Variants in KIAA1549 observed in about 807,000 individuals in gnomAD.
KIAA1549 encodes the protein UPF0606 protein KIAA1549.
KIAA1549 carries 70 observed loss-of-function variants against 156.4 expected under a neutral mutation model. The ratio of observed to expected loss-of-function variants is 0.45; its 90% CI spans 0.37 to 0.55. KIAA1549 has a LOEUF of 0.55. KIAA1549 is among the 20% of genes least tolerant of loss of function. The probability of loss-of-function intolerance (pLI) is 0.00; values close to 1 mark genes in which losing one functional copy is unlikely to be tolerated. For synonymous variants in KIAA1549, 1,103 were observed against 1,066.4 expected, an observed-to-expected ratio of 1.03 and a Z score of -0.67; for missense variants, 2,428 against 2,540.9, an observed-to-expected ratio of 0.96 and a Z score of 0.96.
chr7:138,908,363 C>T (rs1254595159), intron 5 of KIAA1549, among the ~76,000 whole-genome samples: 1 of 152,084 alleles, frequency 6.6e-6, no homozygotes, highest in Non-Finnish European at 1.5e-5. Flanking sequence ...GAACAATGAA[C>T]AAAAAGCTTA....
intron 1 of KIAA1549, among the ~76,000 whole-genome samples, chr7:138,975,518 TAGAGGGTTAATG>T (rs1358887315): frequency 6.6e-6 from 1 of 152,114 alleles, no homozygotes; most frequent in Non-Finnish European, 1.5e-5. Flanking sequence ...TACAAGGAGC[TAGAGGGTTAATG>T]AGATTAGCGC....
intron 1 of KIAA1549, among the ~76,000 whole-genome samples, chr7:138,954,320 T>C (rs1563092137): frequency 1.3e-5 from 2 of 152,064 alleles, no homozygotes; most frequent in Non-Finnish European, 1.5e-5. Context: ...AGTAAGATAC[T>C]AAAGAAAGAA....
chr7:138,967,774 T>C (rs981777720), intron 1 of KIAA1549, among the ~76,000 whole-genome samples: 27 of 152,156 alleles, frequency 1.8e-4, no homozygotes, highest in Non-Finnish European at 4.0e-4. Flanking sequence ...GGCCCCAAGA[T>C]CTGTGCTGGT....
intron 19 of KIAA1549, among the ~76,000 whole-genome samples, chr7:138,839,447 T>C (rs1454177008): frequency 6.6e-6 from 1 of 152,188 alleles, no homozygotes; most frequent in Admixed American, 6.5e-5. Flanking sequence ...AACTGTGTGC[T>C]TATTACAAAA....
intron 8 of KIAA1549, 107 bp from the exon 9 acceptor site, chr7:138,899,239 C>G: frequency 9.9e-7 from 1 of 1,008,378 alleles, no homozygotes; most frequent in South Asian, 1.5e-5. Flanking sequence ...TTCCAATCCT[C>G]ATAATAAGCT....
chr7:138,940,687 A>C (rs1813158492), intron 1 of KIAA1549, among the ~76,000 whole-genome samples: 1 of 152,144 alleles, frequency 6.6e-6, no homozygotes, highest in South Asian at 2.1e-4. Flanking sequence ...TTGTGTCCTG[A>C]CTTTTTAATG....
intron 12 of KIAA1549, among the ~76,000 whole-genome samples, chr7:138,873,831 A>G (rs1811004236): frequency 6.6e-6 from 1 of 151,654 alleles, no homozygotes; most frequent in Non-Finnish European, 1.5e-5. Context: ...GGAGGAGAGG[A>G]AATAAGAGGT....
chr7:138,960,300 T>TTTAC (rs1813801812), intron 1 of KIAA1549, among the ~76,000 whole-genome samples: 1 of 85,256 alleles, frequency 1.2e-5, no homozygotes, highest in Non-Finnish European at 2.4e-5. Flanking sequence ...TATTGATTTA[T>TTTAC]TGATTTATTT....
At chr7:138,931,887 C>T (rs1450564728) in intron 1 of KIAA1549, among the ~76,000 whole-genome samples, 1 of 151,902 alleles carries the variant, frequency 6.6e-6, no homozygotes, top group African/African-American at 2.4e-5. Flanking sequence ...CACTAAAAGG[C>T]ATTATGTTAC....
At position 138,918,046 on chromosome 7, in the gene KIAA1549, C is replaced by T. The variant is rs373550190; in HGVS notation, c.1580G>A (p.Arg527His). 51 of 1,611,322 alleles carry T rather than the reference C, an allele frequency of 3.2e-5. No individual in the cohort carries two copies. Among genetic ancestry groups the T allele is most frequent in the South Asian group, 2.5e-4 (23 of 90,486 alleles). The change falls in exon 2 of 20, where the codon CGC becomes CAC. Residue 527 changes from arginine (R) to histidine (H), a missense_variant. Physicochemically the swap from Arg to His is conservative, Grantham distance 29. This residue lies in a region of KIAA1549 where 893 missense variants were observed against 847.9 expected (regional missense o/e 1.05). Coordinates refer to ENST00000422774, the MANE Select transcript of KIAA1549 (RefSeq NM_001164665.2). This position sits in a 1 kb window ranked among gnomAD's most constrained non-coding sequence, Gnocchi z 4.2. ...ATCAAGTGACGCCGGCACAGAGAGG[C>T]GGCCGTGGGCAGGGGGAACCTGTGT... ...TTTQVPPAHG[R>H]LSVPASLDPT...
At chr7:138,967,053 T>A (rs1041632417) in intron 1 of KIAA1549, among the ~76,000 whole-genome samples, 1 of 152,188 alleles carries the variant, frequency 6.6e-6, no homozygotes, top group Non-Finnish European at 1.5e-5. Flanking sequence ...ATCTGCTGCA[T>A]TTACACATGA....
intron 1 of KIAA1549, among the ~76,000 whole-genome samples, chr7:138,972,283 C>T (rs1164897416): frequency 6.6e-6 from 1 of 152,092 alleles, no homozygotes; most frequent in Admixed American, 6.5e-5. Flanking sequence ...ACCACTACAC[C>T]CTACCCTGTT....
At position 138,981,266 on chromosome 7, in the gene KIAA1549, G is replaced by A. The variant is rs1814545736; in HGVS notation, c.4C>T (p.Pro2Ser). The change falls in exon 1 of 20, where the codon CCG (proline) becomes TCG (serine). Residue 2 changes from proline to serine, a missense_variant. Physicochemically the swap from Pro to Ser is moderately conservative, Grantham distance 74. This residue lies in a region of KIAA1549 where 893 missense variants were observed against 847.9 expected (regional missense o/e 1.05). Coordinates refer to ENST00000422774, the MANE Select transcript of KIAA1549 (RefSeq NM_001164665.2). The surrounding 1 kb of genome is among the most constrained non-coding windows in gnomAD (Gnocchi z 4.5). Reference sequence around the variant, plus strand: ...CCTCGGCGTCGGCGCCGCGCCCCCGGCATTCCCGGCCGGCGCCCCGGCCCG... The same window carrying A: ...CCTCGGCGTCGGCGCCGCGCCCCCGACATTCCCGGCCGGCGCCCCGGCCCG... MPGARRRRRGAA... is the reference protein window; with the variant it reads MSGARRRRRGAA... 12 of 977,606 alleles carry A rather than the reference G, an allele frequency of 1.2e-5. No individual in the cohort carries two copies. Among genetic ancestry groups the A allele is most frequent in the African/African-American group, 1.8e-5 (1 of 56,612 alleles). 60.6% of individuals were successfully genotyped at this position (977,606 alleles called of 1,614,324 possible).
At position 138,981,223 on chromosome 7, in the gene KIAA1549, T is replaced by G. The variant is rs1814542657; in HGVS notation, c.47A>C (p.Lys16Thr). 1.8e-5 allele frequency: 18 copies of G among 1,001,042 alleles called. No homozygotes were observed. In the South Asian group the frequency reaches 6.3e-4, roughly 35 times the overall value. 62.0% of individuals were successfully genotyped at this position (1,001,042 alleles called of 1,614,324 possible). ...RRRRGAAMEGKPRAGVALAPG... is the reference protein window; with the variant it reads ...RRRRGAAMEGTPRAGVALAPG... ...GGCCAGCGCGACCCCGGCGCGGGGC[T>G]TCCCCTCCATGGCCGCGCCTCGGCG... The change falls in exon 1 of 20, where the codon AAG becomes ACG. Residue 16 changes from lysine (K) to threonine (T), a missense_variant. Transcript: ENST00000422774. This position sits in a 1 kb window ranked among gnomAD's most constrained non-coding sequence, Gnocchi z 4.5.
intron 1 of KIAA1549, among the ~76,000 whole-genome samples, chr7:138,933,783 T>C (rs145242000): frequency 2.9e-4 from 44 of 152,218 alleles, no homozygotes; most frequent in African/African-American, 1.0e-3. Context: ...CTCGCCAACA[T>C]GGCGAAAAAC....
chr7:138,980,637 C>T (rs932748348), intron 1 of KIAA1549, among the ~76,000 whole-genome samples: 3 of 152,188 alleles, frequency 2.0e-5, no homozygotes, highest in African/African-American at 7.2e-5. Context: ...GGACGCTGGG[C>T]TTGTCCCGGT....
At chr7:138,885,317 G>A (rs556152181) in intron 10 of KIAA1549, among the ~76,000 whole-genome samples, 4 of 152,266 alleles carry the variant, frequency 2.6e-5, no homozygotes, top group Admixed American at 1.3e-4. Context: ...CAGAACAATT[G>A]TTCTGAGAAA....
At chr7:138,857,481 C>T (rs1460326419) in intron 16 of KIAA1549, among the ~76,000 whole-genome samples, 2 of 152,086 alleles carry the variant, frequency 1.3e-5, no homozygotes, top group Admixed American at 6.5e-5. Flanking sequence ...CTGGTTCATA[C>T]GGTAGGATAT....
intron 7 of KIAA1549, 102 bp from the exon 8 acceptor site, chr7:138,903,838 TGTGTGTGTGTGTGTGCGCGCGCGCGC>T (rs1227599379): frequency 3.7e-6 from 2 of 534,342 alleles, no homozygotes; most frequent in Non-Finnish European, 2.8e-6. Context: ...TGTGTGTGTG[TGTGTGTGTGTGTGTGCGCGCGCGCGC>T]GCGCGCACAT....
Sources: allele counts gnomAD v4.1 joint callset (sites outside exome capture counted in the v4.1 genomes callset), GRCh38; gene constraint gnomAD v4.1.1; regional missense constraint gnomAD v4.1.1; non-coding constraint Gnocchi (gnomAD v3.1); transcripts MANE v1.5; gene names NCBI Gene and HGNC (gene_info 2026-07-23, HGNC 2026-07-21).